The following ATP1B2 variants were observed in gnomAD, a reference collection of about 807,000 sequenced individuals.
The protein encoded by ATP1B2 is ATPase Na+/K+ transporting subunit beta 2.
ATP1B2 carries 12 observed loss-of-function variants against 37.3 expected under a neutral mutation model. The ratio of observed to expected loss-of-function variants is 0.32; its 90% CI spans 0.21 to 0.52. ATP1B2 has a LOEUF of 0.52. ATP1B2 is among the 20% of genes least tolerant of loss of function. The pLI is 0.96. For synonymous variants in ATP1B2, 139 were observed against 140.5 expected (o/e 0.99, Z 0.07); for missense variants, 324 against 391.6 (o/e 0.83, Z 1.46).
chr17:7,651,509 C>A lies in ATP1B2; in HGVS notation c.-10C>A. On this transcript the variant is annotated 5_prime_UTR_variant, in exon 1 of 7. Coordinates refer to ENST00000250111, the MANE Select transcript of ATP1B2 (RefSeq NM_001678.5). ...CCGCCCCGCGCCCGGACTCGCCCCG[C>A]GCCACCAAGATGGTCATCCAGAAAG... 1 of 1,579,008 alleles carries A rather than the reference C, an allele frequency of 6.3e-7. No individual in the cohort carries two copies. The highest frequency in any genetic ancestry group is 8.6e-7 in the Non-Finnish European group (1 of 1,163,212).
chr17:7,657,520 C>T lies in ATP1B2; in HGVS notation c.*1625C>T, dbSNP rs2072663765. The T allele has an allele frequency of 6.6e-6, 1 of 152,240 alleles. No individual in the cohort carries two copies. The highest frequency in any genetic ancestry group is 1.5e-5 in the Non-Finnish European group (1 of 68,054). 9.4% of individuals were successfully genotyped at this position (152,240 alleles called of 1,614,324 possible). The stretch of plus-strand genomic sequence containing the variant: ...TTGTCCTCCAGCATCCCTTCACTTC[C>T]TCATCCTCTCTAACCTCCTTTTTCT... On this transcript the variant is annotated 3_prime_UTR_variant, in exon 7 of 7. Coordinates refer to ENST00000250111, the MANE Select transcript of ATP1B2 (RefSeq NM_001678.5).
Position 7,651,611 on chromosome 17 carries a change from C to A in ATP1B2, c.93C>A (p.Gly31=). The change falls in exon 1 of 7, where the codon GGC becomes GGA. Residue 31 remains glycine (G), a synonymous_variant. Transcript: ENST00000250111. ...ACCCGAGGACGCACCAGTTTATGGG[C>A]CGCACCGGGACCAGCTGGGGTACGC... ...VWNPRTHQFM[G]RTGTSWAFIL... The A allele has an allele frequency of 1.9e-6, 3 of 1,603,260 alleles. No individual in the cohort carries two copies. The highest frequency in any genetic ancestry group is 2.6e-6 in the Non-Finnish European group (3 of 1,175,308).
At chr17:7,652,440 G>A (rs1056982353) in intron 1 of ATP1B2, among the ~76,000 whole-genome samples, 1 of 152,106 alleles carries the variant, frequency 6.6e-6, no homozygotes, top group Non-Finnish European at 1.5e-5. Flanking sequence ...TTGAGACACA[G>A]GGGACAGAGG....
At chr17:7,653,348 T>C (rs199993423) in intron 1 of ATP1B2, 26 bp from the exon 2 acceptor site, 3 of 1,613,560 alleles carry the variant, frequency 1.9e-6, no homozygotes, top group Non-Finnish European at 2.5e-6. Context: ...CCTTGGGCCC[T>C]GCTGACCCTG....
At position 7,655,906 on chromosome 17, in the gene ATP1B2, T is replaced by C; in HGVS notation, c.*11T>C. The C allele has an allele frequency of 6.2e-7, 1 of 1,613,436 alleles. No homozygotes were observed. The highest frequency in any genetic ancestry group is 1.1e-5 in the South Asian group (1 of 91,050). On this transcript the variant is annotated 3_prime_UTR_variant, in exon 7 of 7. Transcript: ENST00000250111. This position sits in a 1 kb window ranked among gnomAD's most constrained non-coding sequence, Gnocchi z 4.4. ...ATCAACAAAACCTGAGGCCCCTTCC[T>C]CCCACCCCATCTCTCTCCTGTGGAT...
Position 7,651,390 on chromosome 17 carries a change from G to A in ATP1B2, c.-129G>A, listed in dbSNP as rs2072611100. ...GAATCTGCAGCAGCTGCATATCTGA[G>A]GGGGGTCTCCTTTGCCCGCGCCGCC... On this transcript the variant is annotated 5_prime_UTR_variant, in exon 1 of 7. Transcript: ENST00000250111. The A allele has an allele frequency of 1.3e-6, 1 of 769,668 alleles. No individual in the cohort carries two copies. The highest frequency in any genetic ancestry group is 1.7e-5 in the African/African-American group (1 of 57,380). The allele number at this position is 769,668 out of a possible 1,614,324, so 47.7% of individuals were successfully genotyped here. A position where few individuals can be genotyped will look rare whatever the true frequency, so the allele number is the denominator to read the frequency against.
chr17:7,653,645 C>A, intron 2 of ATP1B2, 143 bp downstream of exon 2: 3 of 1,412,130 alleles, frequency 2.1e-6, no homozygotes, highest in Non-Finnish European at 2.9e-6. Flanking sequence ...ATCTGTCCAC[C>A]TTCCCATTTA....
At position 7,656,985 on chromosome 17, in the gene ATP1B2, G is replaced by A. The variant is rs1048568720; in HGVS notation, c.*1090G>A. The A allele has an allele frequency of 4.6e-5, 7 of 152,132 alleles. No individual in the cohort carries two copies. Among genetic ancestry groups the A allele is most frequent in the African/African-American group, 7.3e-5 (3 of 41,374 alleles). 9.4% of individuals were successfully genotyped at this position (152,132 alleles called of 1,614,324 possible). A position where few individuals can be genotyped will look rare whatever the true frequency, so the allele number is the denominator to read the frequency against. ...CGTGAGCCACCGCGCCCGGCCTTCA[G>A]TTTCTTCCTAGGCCGTTCTGTCACC... On this transcript the variant is annotated 3_prime_UTR_variant, in exon 7 of 7. Coordinates refer to ENST00000250111, the MANE Select transcript of ATP1B2 (RefSeq NM_001678.5).
At chr17:7,652,489 C>T (rs2072620809) in intron 1 of ATP1B2, among the ~76,000 whole-genome samples, 1 of 152,188 alleles carries the variant, frequency 6.6e-6, no homozygotes, top group Non-Finnish European at 1.5e-5. Context: ...CCACACTGGG[C>T]ACCGTCCCCA....
chr17:7,652,597 A>G (rs1160548297), intron 1 of ATP1B2, among the ~76,000 whole-genome samples: 6 of 152,180 alleles, frequency 3.9e-5, no homozygotes, highest in Non-Finnish European at 5.9e-5. Flanking sequence ...AGAATCCAGC[A>G]ATGCTTGGGA....
upstream of ATP1B2, among the ~76,000 whole-genome samples, chr17:7,649,107 C>T (rs960845662): frequency 2.6e-5 from 4 of 152,204 alleles, no homozygotes; most frequent in Non-Finnish European, 5.9e-5. Flanking sequence ...GGCTGGAGTG[C>T]AGTGACACAA....
At position 7,651,237 on chromosome 17, in the gene ATP1B2, C is replaced by T; in HGVS notation, c.-282C>T. ...GTTTGGTGGGGGGTGAAGCTGCATTCATACCCCTTCCTCTTGTTATTCTCC... is the reference window on the plus strand; with the variant it reads ...GTTTGGTGGGGGGTGAAGCTGCATTTATACCCCTTCCTCTTGTTATTCTCC... On this transcript the variant is annotated 5_prime_UTR_variant, in exon 1 of 7. Transcript: ENST00000250111. The T allele has an allele frequency of 4.6e-6, 2 of 433,682 alleles. No homozygotes were observed. Among genetic ancestry groups the T allele is most frequent in the Non-Finnish European group, 8.5e-6 (2 of 235,264 alleles). The allele number at this position is 433,682 out of a possible 1,614,324, so 26.9% of individuals were successfully genotyped here.
At position 7,656,338 on chromosome 17, in the gene ATP1B2, C is replaced by T. The variant is rs2072652310; in HGVS notation, c.*443C>T. On this transcript the variant is annotated 3_prime_UTR_variant, in exon 7 of 7. Transcript: ENST00000250111. Reference sequence around the variant, plus strand: ...CTTCCAGAGATGAATGTGGCACTCCCTCCTTCCATTCCTAAGCTCTGGCCA... The same window carrying T: ...CTTCCAGAGATGAATGTGGCACTCCTTCCTTCCATTCCTAAGCTCTGGCCA... 1.1e-5 allele frequency: 2 copies of T among 185,508 alleles called. No homozygotes were observed. Among genetic ancestry groups the T allele is most frequent in the Admixed American group, 5.4e-5 (1 of 18,506 alleles). The allele number at this position is 185,508 out of a possible 1,614,324, so 11.5% of individuals were successfully genotyped here.
At position 7,651,871 on chromosome 17, in the gene ATP1B2, G is replaced by A. The variant is rs573645406; in HGVS notation, c.112+241G>A. On this transcript the variant is annotated intron_variant, in intron 1 of 6. Coordinates refer to ENST00000250111, the MANE Select transcript of ATP1B2 (RefSeq NM_001678.5). ...CCCCGCGGAGCCCCCTCGGGCGGGGGGTCGCCAGCTCCGCCTGCGTGTCCG... is the reference window on the plus strand; with the variant it reads ...CCCCGCGGAGCCCCCTCGGGCGGGGAGTCGCCAGCTCCGCCTGCGTGTCCG... Among the ~76,000 whole-genome samples, 17 of 143,738 alleles carry A rather than the reference G, an allele frequency of 1.2e-4. No homozygotes were observed. The East Asian group carries it at 3.4e-3, about 29-fold the overall frequency. 94.3% of individuals were successfully genotyped at this position (143,738 alleles called of 152,430 possible). A position where few individuals can be genotyped will look rare whatever the true frequency, so the allele number is the denominator to read the frequency against.
chr17:7,653,581 T>C, intron 2 of ATP1B2, 79 bp downstream of exon 2: 1 of 1,560,804 alleles, frequency 6.4e-7, no homozygotes, highest in South Asian at 1.2e-5. Flanking sequence ...TCATAGTTCC[T>C]TCCAGGAGTT....
intron 1 of ATP1B2, among the ~76,000 whole-genome samples, chr17:7,652,059 C>T (rs2072617638): frequency 6.6e-6 from 1 of 151,894 alleles, no homozygotes; most frequent in South Asian, 2.1e-4. Context: ...CATGAGGGGG[C>T]GGGTCTTGGG....
In ATP1B2 at chr17:7,654,846, T is replaced by A; in HGVS notation, c.609+162T>A. 1.4e-6 allele frequency: 1 copy of A among 730,118 alleles called. No individual in the cohort carries two copies. Among genetic ancestry groups the A allele is most frequent in the Non-Finnish European group, 2.3e-6 (1 of 440,054 alleles). 45.2% of individuals were successfully genotyped at this position (730,118 alleles called of 1,614,324 possible). On this transcript the variant is annotated intron_variant, in intron 5 of 6. Coordinates refer to ENST00000250111, the MANE Select transcript of ATP1B2 (RefSeq NM_001678.5). The surrounding 1 kb of genome is among the most constrained non-coding windows in gnomAD (Gnocchi z 4.9). ...AAGAGTGGGCTTTTGGGCTCCACTG[T>A]AGCTTGAACTCCGAGGGCCCCGCAC...
At chr17:7,647,911 A>C (rs1613071), upstream of ATP1B2, among the ~76,000 whole-genome samples, 20 of 151,810 alleles carry the variant, frequency 1.3e-4, no homozygotes, top group Admixed American at 6.6e-5. Flanking sequence ...TGCAGCCCCA[A>C]CTACCTGGAG....
In ATP1B2 at chr17:7,654,764, T is replaced by C. The variant is rs771839291; in HGVS notation, c.609+80T>C. 5 of 1,501,992 alleles carry C rather than the reference T, an allele frequency of 3.3e-6. No homozygotes were observed. Among genetic ancestry groups the C allele is most frequent in the Admixed American group, 1.7e-5 (1 of 59,614 alleles). 93.0% of individuals were successfully genotyped at this position (1,501,992 alleles called of 1,614,324 possible). A position where few individuals can be genotyped will look rare whatever the true frequency, so the allele number is the denominator to read the frequency against. On this transcript the variant is annotated intron_variant, in intron 5 of 6. Coordinates refer to ENST00000250111, the MANE Select transcript of ATP1B2 (RefSeq NM_001678.5). This position sits in a 1 kb window ranked among gnomAD's most constrained non-coding sequence, Gnocchi z 4.9. ...CTTCATGGTTTCTGTGTAATTCACC[T>C]GTCTCTCCCTATCTTCTTTGCTCCT...
Sources: gnomAD v4.1 joint callset for allele counts (sites outside exome capture counted in the v4.1 genomes callset) on GRCh38, gnomAD v4.1.1 for gene constraint, Gnocchi (gnomAD v3.1) non-coding constraint, MANE v1.5 for transcripts, NCBI Gene and HGNC (gene_info 2026-07-23, HGNC 2026-07-21) for gene names.